SLC2A10: variants seen among roughly 807,000 people sequenced by gnomAD.
SLC2A10 encodes the protein solute carrier family 2, facilitated glucose transporter member 10.
In SLC2A10, 25 loss-of-function variants were observed where a neutral mutation model predicts 32.1. The ratio of observed to expected loss-of-function variants is 0.78; its 90% CI spans 0.57 to 1.09. The LOEUF is 1.09. Ranked by LOEUF, SLC2A10 falls within the 50% of genes least tolerant of loss-of-function variation. SLC2A10 has a pLI of 0.00. For synonymous variants in SLC2A10, 332 were observed against 309.6 expected, an observed-to-expected ratio of 1.07 and a Z score of -0.76; for missense variants, 673 against 686.5, an observed-to-expected ratio of 0.98 and a Z score of 0.22.
Position 46,733,842 on chromosome 20 carries a change from G to A in SLC2A10, c.*8G>A, listed in dbSNP as rs375282462. On this transcript the variant is annotated 3_prime_UTR_variant, in exon 5 of 5. Transcript: ENST00000359271. ...ATCTCTGCGGCCTCCTGAGGAATCC[G>A]TCTGCCTGGAAATTCTGGAACTGTG... 1.6e-4 allele frequency: 259 copies of A among 1,613,716 alleles called. 1 individual carries two copies. The highest frequency in any genetic ancestry group is 1.8e-4 in the Non-Finnish European group (216 of 1,179,776).
rs1325056569 is a variant in SLC2A10, at chr20:46,726,202, T to C, written c.1166T>C (p.Leu389Pro). ...GGAGACCCCTCAGCCCCTCCTCGGC[T>C]GGCCCTGAGCTCTGCCCTCCCTGGG... is the stretch of plus-strand genomic sequence containing the variant. ...RSGDPSAPPR[L>P]ALSSALPGPP... The change falls in exon 2 of 5, where the codon CTG becomes CCG. Residue 389 changes from leucine to proline, a missense_variant. By Grantham distance (98) the Leu-to-Pro change is moderately conservative. Coordinates refer to ENST00000359271, the MANE Select transcript of SLC2A10 (RefSeq NM_030777.4). The C allele has an allele frequency of 6.2e-7, 1 of 1,614,058 alleles. No individual in the cohort carries two copies. Among genetic ancestry groups the C allele is most frequent in the Admixed American group, 1.7e-5 (1 of 60,010 alleles).
At chr20:46,730,909 T>A (rs1295220433) in intron 4 of SLC2A10, among the ~76,000 whole-genome samples, 3 of 152,154 alleles carry the variant, frequency 2.0e-5, no homozygotes, top group Non-Finnish European at 4.4e-5. Flanking sequence ...TAAAACGTTT[T>A]AAAAAATCAT....
chr20:46,722,410 ATTC>A (rs1254537519), intron 1 of SLC2A10, among the ~76,000 whole-genome samples: 2 of 152,226 alleles, frequency 1.3e-5, no homozygotes, highest in African/African-American at 2.4e-5. Flanking sequence ...TCCAGAAAGT[ATTC>A]TTAATATATC....
intron 4 of SLC2A10, among the ~76,000 whole-genome samples, chr20:46,731,214 C>T (rs972904014): frequency 2.0e-5 from 3 of 152,204 alleles, no homozygotes; most frequent in African/African-American, 7.2e-5. Context: ...GCTCTGCCAC[C>T]TCTTCCATAT....
chr20:46,715,953 C>T (rs1979213520), intron 1 of SLC2A10, among the ~76,000 whole-genome samples: 1 of 151,934 alleles, frequency 6.6e-6, no homozygotes, highest in Non-Finnish European at 1.5e-5. Flanking sequence ...CACTTCAACC[C>T]CTAGAGTAGC....
rs886056722 is a variant in SLC2A10, at chr20:46,709,677, G to T, written c.-60G>T. On this transcript the variant is annotated 5_prime_UTR_variant, in exon 1 of 5. Coordinates refer to ENST00000359271, the MANE Select transcript of SLC2A10 (RefSeq NM_030777.4). ...CGGCGGCAGCGGCGTTGGGGACTCC[G>T]GCGGGGGATGCGCGCCCGGCCCCTC... 5.0e-5 allele frequency: 77 copies of T among 1,532,750 alleles called. No homozygotes were observed. The highest frequency in any genetic ancestry group is 6.8e-5 in the Non-Finnish European group (77 of 1,140,492). The allele number at this position is 1,532,750 out of a possible 1,614,324, so 94.9% of individuals were successfully genotyped here. A position where few individuals can be genotyped will look rare whatever the true frequency, so the allele number is the denominator to read the frequency against.
Position 46,710,024 on chromosome 20 carries a change from G to C in SLC2A10, c.4+284G>C, listed in dbSNP as rs939619364. On this transcript the variant is annotated intron_variant, in intron 1 of 4. Transcript: ENST00000359271. The stretch of plus-strand genomic sequence containing the variant: ...GGCACTCTCCCGGGCGCCCTGATCC[G>C]ACAGCCCCAGGCAAGTGCAGCTGTT... 260 of 523,334 alleles carry C rather than the reference G, an allele frequency of 5.0e-4. 1 individual carries two copies. The highest frequency in any genetic ancestry group is 6.5e-4 in the Non-Finnish European group (195 of 298,948). 32.4% of individuals were successfully genotyped at this position (523,334 alleles called of 1,614,324 possible).
chr20:46,726,372 TA>T (rs1568986889), intron 2 of SLC2A10, 48 bp downstream of exon 2: 3 of 1,591,426 alleles, frequency 1.9e-6, no homozygotes, highest in Admixed American at 1.7e-5. Flanking sequence ...CTACCCCTCC[TA>T]GGGGGAAGTT....
intron 4 of SLC2A10, among the ~76,000 whole-genome samples, chr20:46,730,430 AGGGGTTGT>A (rs1381301867): frequency 6.6e-6 from 1 of 152,180 alleles, no homozygotes; most frequent in Non-Finnish European, 1.5e-5. Context: ...CAAAGAAGAA[AGGGGTTGT>A]GGCTGAAGTA....
intron 4 of SLC2A10, among the ~76,000 whole-genome samples, chr20:46,732,016 C>G (rs1042167975): frequency 3.9e-5 from 6 of 152,126 alleles, no homozygotes; most frequent in Admixed American, 3.9e-4. Context: ...CCACGTTCCC[C>G]AAAAATGGGA....
At position 46,735,013 on chromosome 20, in the gene SLC2A10, C is replaced by CA. The variant is rs1274438307; in HGVS notation, c.*1180dup. On this transcript the variant is annotated 3_prime_UTR_variant, in exon 5 of 5. Coordinates refer to ENST00000359271, the MANE Select transcript of SLC2A10 (RefSeq NM_030777.4). ...CCCTGTTTCCTTTCAGGAGGGTCCCCAGCTGGTCCAGGGCCTGGGAAATTT... is the reference window on the plus strand; with the variant it reads ...CCCTGTTTCCTTTCAGGAGGGTCCCCAAGCTGGTCCAGGGCCTGGGAAATTT... 2 of 152,638 alleles carry CA rather than the reference C, an allele frequency of 1.3e-5. No homozygotes were observed. Among genetic ancestry groups the CA allele is most frequent in the Non-Finnish European group, 2.9e-5 (2 of 68,058 alleles). The allele number at this position is 152,638 out of a possible 1,614,324, so 9.5% of individuals were successfully genotyped here.
At chr20:46,728,123 G>A (rs1300960651) in intron 3 of SLC2A10, among the ~76,000 whole-genome samples, 1 of 152,122 alleles carries the variant, frequency 6.6e-6, no homozygotes, top group Admixed American at 6.6e-5. Flanking sequence ...AGGAAGGAAG[G>A]AAGGAATTTA....
chr20:46,711,904 T>A (rs1041640928), intron 1 of SLC2A10, among the ~76,000 whole-genome samples: 1 of 152,232 alleles, frequency 6.6e-6, no homozygotes. Context: ...GCTCATCACC[T>A]ATATCTGGTA....
upstream of SLC2A10, chr20:46,709,557 C>T (rs550681600): frequency 2.7e-6 from 2 of 738,636 alleles, no homozygotes; most frequent in South Asian, 2.5e-5. Flanking sequence ...GCCTCCAGGC[C>T]TCGGGGCCTG....
At chr20:46,731,100 A>T (rs1980273273) in intron 4 of SLC2A10, among the ~76,000 whole-genome samples, 1 of 152,132 alleles carries the variant, frequency 6.6e-6, no homozygotes, top group Non-Finnish European at 1.5e-5. Flanking sequence ...TAGGAAATCG[A>T]TTTGGCTGCT....
intron 3 of SLC2A10, 101 bp downstream of exon 3, chr20:46,727,087 T>C (rs1980017354): frequency 2.1e-6 from 3 of 1,423,772 alleles, no homozygotes; most frequent in South Asian, 2.3e-5. Context: ...TGCAGAACTA[T>C]TATTCTGTGC....
chr20:46,730,630 G>T (rs1407139253), intron 4 of SLC2A10, among the ~76,000 whole-genome samples: 1 of 152,196 alleles, frequency 6.6e-6, no homozygotes, highest in Non-Finnish European at 1.5e-5. Context: ...CAGTGTGCCT[G>T]GAACAGAGGG....
chr20:46,735,101 T>C lies in SLC2A10; in HGVS notation c.*1267T>C, dbSNP rs1980505128. The C allele has an allele frequency of 6.6e-6, 1 of 152,558 alleles. No homozygotes were observed. The highest frequency in any genetic ancestry group is 1.5e-5 in the Non-Finnish European group (1 of 68,046). 9.5% of individuals were successfully genotyped at this position (152,558 alleles called of 1,614,324 possible). On this transcript the variant is annotated 3_prime_UTR_variant, in exon 5 of 5. Transcript: ENST00000359271. ...CTGTAAAGGGTCAGGGTGAATCAGA[T>C]GGGGGACTGAGCAAGTAGCTATGAC...
In SLC2A10 at chr20:46,726,187, C is replaced by T. The variant is rs898566257; in HGVS notation, c.1151C>T (p.Ser384Leu). 1.2e-6 allele frequency: 2 copies of T among 1,614,134 alleles called. No individual in the cohort carries two copies. The highest frequency in any genetic ancestry group is 1.3e-5 in the African/African-American group (1 of 74,956). Reference sequence around the variant, plus strand: ...CCCCATCCCAGATCTGGAGACCCCTCAGCCCCTCCTCGGCTGGCCCTGAGC... The same window carrying T: ...CCCCATCCCAGATCTGGAGACCCCTTAGCCCCTCCTCGGCTGGCCCTGAGC... ...TKPHPRSGDPSAPPRLALSSA... is the reference protein window; with the variant it reads ...TKPHPRSGDPLAPPRLALSSA... Residue 384 changes from serine (S) to leucine (L), a missense_variant, in exon 2 of 5, where the codon TCA (serine) becomes TTA (leucine). Coordinates refer to ENST00000359271, the MANE Select transcript of SLC2A10 (RefSeq NM_030777.4).
Sources: allele counts gnomAD v4.1 joint callset (sites outside exome capture counted in the v4.1 genomes callset), GRCh38; gene constraint gnomAD v4.1.1; transcripts MANE v1.5; gene names NCBI Gene and HGNC (gene_info 2026-07-23, HGNC 2026-07-21).